The following HCFC1 variants were observed in gnomAD, a reference collection of about 807,000 sequenced individuals.
HCFC1 encodes the protein host cell factor 1.
A neutral mutation model predicts 105.5 loss-of-function variants in HCFC1; 7 were observed. The ratio of observed to expected loss-of-function variants is 0.07; its 90% CI spans 0.04 to 0.12. The LOEUF is 0.12. Among genes scored for constraint, HCFC1 ranks in the 10% least tolerant of loss-of-function variants. The pLI is 1.00. For synonymous variants in HCFC1, 918 were observed against 828.1 expected (o/e 1.11, Z -1.86); for missense variants, 1,065 against 1,823.6 (o/e 0.58, Z 7.58).
At chrX:153,958,282 CAAAG>C (rs1557115737) in intron 10 of HCFC1, 33 bp from the exon 11 acceptor site, 1 of 1,118,815 alleles carries the variant, frequency 8.9e-7, no homozygotes, top group Non-Finnish European at 1.2e-6. Context: ...ACAGGCCAGG[CAAAG>C]AAAGCGATGG....
rs1557114200 is a variant in HCFC1 at position 153,954,942 on chromosome X, T to C, written c.3457A>G (p.Thr1153Ala). 1 of 1,195,442 alleles carries C rather than the reference T, an allele frequency of 8.4e-7. No homozygotes were observed. The highest frequency in any genetic ancestry group is 1.1e-6 in the Non-Finnish European group (1 of 889,035). ...CCCTGGGCTGCCTCCAGCGCCCCAGTGGCCACACTGATCCGGATCACGGCA... is the reference window on the plus strand; with the variant it reads ...CCCTGGGCTGCCTCCAGCGCCCCAGCGGCCACACTGATCCGGATCACGGCA... ...TPAVIRISVA[T>A]GALEAAQGSK... The change falls in exon 17 of 26, where the codon ACT (threonine) becomes GCT (alanine). Residue 1153 changes from threonine to alanine, a missense_variant. Physicochemically the swap from Thr to Ala is moderately conservative, Grantham distance 58. Coordinates refer to ENST00000310441, the MANE Select transcript of HCFC1 (RefSeq NM_005334.3).
In HCFC1 at chrX:153,964,171, A is replaced by G. The variant is rs2065454837; in HGVS notation, c.456T>C (p.Phe152=). The G allele has an allele frequency of 8.3e-7, 1 of 1,209,069 alleles. No homozygotes were observed. Among genetic ancestry groups the G allele is most frequent in the Non-Finnish European group, 1.1e-6 (1 of 893,621 alleles). The change falls in exon 3 of 26, where the codon TTT becomes TTC. Residue 152 remains phenylalanine, a synonymous_variant. Transcript: ENST00000310441. ...CCTCGCTATCATTGGCCAGACCCCC[A>G]AACAGGTAGCATTTGTTGCCCACAA... The part of the protein sequence containing the change: ...FSLVGNKCYL[F]GGLANDSEDP...
intron 1 of HCFC1, among the ~76,000 whole-genome samples, chrX:153,967,483 G>A (rs2065483086): frequency 8.9e-6 from 1 of 112,180 alleles, no homozygotes; most frequent in Non-Finnish European, 1.9e-5. Flanking sequence ...AGTTCAACGA[G>A]CTGCCTTCCT....
chrX:153,951,117 G>GCAC (rs2065306593), intron 22 of HCFC1, 119 bp from the exon 23 acceptor site: 1 of 750,097 alleles, frequency 1.3e-6, no homozygotes, highest in African/African-American at 2.1e-5. Flanking sequence ...GCGGTGGCTG[G>GCAC]CCCCTCACGG....
chrX:153,957,259 C>G (rs2065386615), intron 13 of HCFC1, 55 bp downstream of exon 13: 34 of 1,063,820 alleles, frequency 3.2e-5, no homozygotes, highest in Non-Finnish European at 4.2e-5. Flanking sequence ...ACCCGGACTC[C>G]ATTTCCCCTC....
At chrX:153,964,086 C>T (rs1557117722) in intron 3 of HCFC1, 38 bp downstream of exon 3, 1 of 1,148,641 alleles carries the variant, frequency 8.7e-7, no homozygotes, top group Admixed American at 2.4e-5. Flanking sequence ...GAGAGCACAC[C>T]CACCCGGGGG....
At chrX:153,950,126 A>G in intron 24 of HCFC1, 117 bp downstream of exon 24, 2 of 802,404 alleles carry the variant, frequency 2.5e-6, no homozygotes, top group South Asian at 5.5e-5. Context: ...GTGCGCGCCA[A>G]AGGAAGCAGG....
At chrX:153,963,655 G>C (rs1232216309) in intron 3 of HCFC1, among the ~76,000 whole-genome samples, 7 of 112,367 alleles carry the variant, frequency 6.2e-5, no homozygotes, top group Non-Finnish European at 1.1e-4. Flanking sequence ...CTGCACAGCA[G>C]CCCCGAGTCC....
rs2065280844 is a variant in HCFC1 at position 153,948,827 on chromosome X, G to A, written c.*520C>T. 8.9e-6 allele frequency: 1 copy of A among 112,614 alleles called. No individual in the cohort carries two copies. The highest frequency in any genetic ancestry group is 1.9e-5 in the Non-Finnish European group (1 of 53,336). The allele number at this position is 112,614 out of a possible 1,213,427, so 9.3% of individuals were successfully genotyped here. A position where few individuals can be genotyped will look rare whatever the true frequency, so the allele number is the denominator to read the frequency against. ...TGAGAAAATGTGTAAGCTTCCTGTG[G>A]GGTCACTGAGCAGGGTGGGCCGGGG... On this transcript the variant is annotated 3_prime_UTR_variant, in exon 26 of 26. Transcript: ENST00000310441.
intron 18 of HCFC1, 149 bp downstream of exon 18, chrX:153,953,458 C>T: frequency 1.9e-6 from 1 of 532,330 alleles, no homozygotes; most frequent in Non-Finnish European, 3.0e-6. Flanking sequence ...CCTGCCGCAG[C>T]AGGCACCGAG....
In HCFC1 at chrX:153,959,320, C is replaced by A; in HGVS notation, c.1605+11G>T. The A allele has an allele frequency of 1.7e-6, 2 of 1,191,788 alleles. No homozygotes were observed. The highest frequency in any genetic ancestry group is 2.3e-6 in the Non-Finnish European group (2 of 886,829). ...CAGGAAATCCCACCCGCCCCAGTGA[C>A]CACTCCTCACCGTTCCCTGGGCACT... On this transcript the variant is annotated intron_variant, in intron 9 of 25. Coordinates refer to ENST00000310441, the MANE Select transcript of HCFC1 (RefSeq NM_005334.3).
chrX:153,957,957 C>T (rs2065394286), intron 11 of HCFC1, 68 bp downstream of exon 11: 5 of 1,154,833 alleles, frequency 4.3e-6, no homozygotes, highest in Non-Finnish European at 4.7e-6. Flanking sequence ...TGAGACTCTC[C>T]TGGAGCTGGC....
chrX:153,971,299 G>C lies in HCFC1; in HGVS notation c.-459C>G, dbSNP rs965734565. The C allele has an allele frequency of 3.3e-6, 1 of 298,646 alleles. No homozygotes were observed. Among genetic ancestry groups the C allele is most frequent in the Admixed American group, 6.1e-5 (1 of 16,508 alleles). The allele number at this position is 298,646 out of a possible 1,213,427, so 24.6% of individuals were successfully genotyped here. A position where few individuals can be genotyped will look rare whatever the true frequency, so the allele number is the denominator to read the frequency against. ...GGCCGGCTTCCGGGGCGGGTGGAAA[G>C]GAGCCACAAGCGCCGCGGTCGTCGC... On this transcript the variant is annotated 5_prime_UTR_variant, in exon 1 of 26. Coordinates refer to ENST00000310441, the MANE Select transcript of HCFC1 (RefSeq NM_005334.3).
Position 153,953,646 on chromosome X carries a change from G to A in HCFC1, c.4458C>T (p.Thr1486=), listed in dbSNP as rs782395790. Residue 1486 remains threonine (T), a synonymous_variant, in exon 18 of 26, where the codon ACC becomes ACT. Coordinates refer to ENST00000310441, the MANE Select transcript of HCFC1 (RefSeq NM_005334.3). The part of the protein sequence containing the change: ...VSSTLTRAVT[T]VTQSTPVPGP... Reference sequence around the variant, plus strand: ...CCGGGACCGGTGTGGACTGCGTCACGGTGGTCACAGCCCGCGTCAGTGTGG... The same window carrying A: ...CCGGGACCGGTGTGGACTGCGTCACAGTGGTCACAGCCCGCGTCAGTGTGG... 4.8e-5 allele frequency: 58 copies of A among 1,209,325 alleles called. No individual in the cohort carries two copies. The highest frequency in any genetic ancestry group is 6.0e-5 in the Non-Finnish European group (54 of 894,977).
At position 153,949,239 on chromosome X, in the gene HCFC1, G is replaced by T. The variant is rs2148552765; in HGVS notation, c.*108C>A. The T allele has an allele frequency of 5.3e-6, 3 of 565,959 alleles. No homozygotes were observed. The highest frequency in any genetic ancestry group is 8.9e-6 in the Non-Finnish European group (3 of 336,529). 46.6% of individuals were successfully genotyped at this position (565,959 alleles called of 1,213,427 possible). ...AGGGGAGAGGAGTGAACAGCGGCTC[G>T]CGAGGGTGAAGTGCGAATGCTGGGA... On this transcript the variant is annotated 3_prime_UTR_variant, in exon 26 of 26. Transcript: ENST00000310441.
At chrX:153,967,653 G>A (rs1350076819) in intron 1 of HCFC1, among the ~76,000 whole-genome samples, 1 of 112,134 alleles carries the variant, frequency 8.9e-6, no homozygotes, top group African/African-American at 3.2e-5. Flanking sequence ...CTCTGACCAA[G>A]CCGGGCCCTT....
At chrX:153,959,687 A>G (rs2065410841) in intron 8 of HCFC1, 115 bp downstream of exon 8, 1 of 1,032,263 alleles carries the variant, frequency 9.7e-7, no homozygotes, top group African/African-American at 1.9e-5. Context: ...ACAAGCCCAA[A>G]GCTCCCGGCT....
At chrX:153,953,814 C>T (rs782027006) in intron 17 of HCFC1, 44 bp from the exon 18 acceptor site, 6 of 1,151,130 alleles carry the variant, frequency 5.2e-6, no homozygotes, top group Non-Finnish European at 7.0e-6. Flanking sequence ...GGAGCCCCCC[C>T]GGCCTGTACT....
chrX:153,958,557 G>C lies in HCFC1; in HGVS notation c.1803+12C>G. ...TGTTTGACCACAGTGACAAGCCCCG[G>C]AAGACGCTCACCATGACTGGCGAGG... is the stretch of plus-strand genomic sequence containing the variant. On this transcript the variant is annotated intron_variant, in intron 10 of 25. Coordinates refer to ENST00000310441, the MANE Select transcript of HCFC1 (RefSeq NM_005334.3). The C allele has an allele frequency of 8.5e-7, 1 of 1,180,782 alleles. No homozygotes were observed. The highest frequency in any genetic ancestry group is 1.1e-6 in the Non-Finnish European group (1 of 875,975).
Sources: allele counts gnomAD v4.1 joint callset (sites outside exome capture counted in the v4.1 genomes callset), GRCh38; gene constraint gnomAD v4.1.1; transcripts MANE v1.5; gene names NCBI Gene and HGNC (gene_info 2026-07-23, HGNC 2026-07-21).